Variants in TRAF3IP1 observed in about 807,000 individuals in gnomAD.
TRAF3IP1 encodes the protein intraflagellar transport 54.
In TRAF3IP1, 53 loss-of-function variants were observed where a neutral mutation model predicts 89.9. The observed-to-expected ratio is 0.59, with a 90% CI of 0.47 to 0.74. The LOEUF is 0.74. Among genes scored for constraint, TRAF3IP1 ranks in the 30% least tolerant of loss-of-function variants. The probability of loss-of-function intolerance (pLI) is 0.00; values close to 1 mark genes in which losing one functional copy is unlikely to be tolerated. For missense variants in TRAF3IP1, 806 were observed against 866.1 expected, an observed-to-expected ratio of 0.93 and a Z score of 0.87; for synonymous variants, 311 against 322.1, an observed-to-expected ratio of 0.97 and a Z score of 0.37.
intron 15 of TRAF3IP1, among the ~76,000 whole-genome samples, chr2:238,381,969 C>G (rs1700570214): frequency 6.6e-6 from 1 of 152,106 alleles, no homozygotes; most frequent in Non-Finnish European, 1.5e-5. Context: ...GGGACTGTTA[C>G]AGAAGCACAC....
intron 1 of TRAF3IP1, 37 bp from the exon 2 acceptor site, chr2:238,325,269 G>C (rs754173635): frequency 1.9e-6 from 3 of 1,607,770 alleles, no homozygotes; most frequent in East Asian, 2.2e-5. Context: ...GAGGCTGTCT[G>C]TGAGGTGACA....
At chr2:238,388,555 A>G (rs1394758512) in intron 15 of TRAF3IP1, among the ~76,000 whole-genome samples, 7 of 149,138 alleles carry the variant, frequency 4.7e-5, no homozygotes, top group African/African-American at 7.4e-5. Flanking sequence ...TCTTTTGTAA[A>G]TTGAATGCAG....
chr2:238,391,663 A>G (rs1701000043), intron 15 of TRAF3IP1, among the ~76,000 whole-genome samples: 1 of 152,196 alleles, frequency 6.6e-6, no homozygotes, highest in Non-Finnish European at 1.5e-5. Flanking sequence ...TTAGTGTTCC[A>G]AATTCTGCTT....
rs547284120 is a variant in TRAF3IP1 at position 238,379,313 on chromosome 2, C to G, written c.1690-18146C>G. 6.6e-6 allele frequency among the ~76,000 whole-genome samples: 1 copy of G among 152,336 alleles called. No individual in the cohort carries two copies. Among genetic ancestry groups the G allele is most frequent in the East Asian group, 1.9e-4 (1 of 5,186 alleles). ...CTCACCATCTCTGACCCGGGCTCTG[C>G]TATCCTCACAGCATTGGTCACTGAC... On this transcript the variant is annotated intron_variant, in intron 15 of 16. Transcript: ENST00000373327. This position sits in a 1 kb window ranked among gnomAD's most constrained non-coding sequence, Gnocchi z 4.0.
chr2:238,354,657 GTAT>G (rs1699326523), intron 14 of TRAF3IP1, among the ~76,000 whole-genome samples: 1 of 151,918 alleles, frequency 6.6e-6, no homozygotes, highest in South Asian at 2.1e-4. Context: ...TTTTATTTAT[GTAT>G]TTATTTTTGA....
intron 15 of TRAF3IP1, among the ~76,000 whole-genome samples, chr2:238,387,908 G>C (rs1334308242): frequency 6.6e-6 from 1 of 152,048 alleles, no homozygotes; most frequent in Admixed American, 6.6e-5. Flanking sequence ...GCAAGACCTT[G>C]TTTCTGCAAA....
chr2:238,355,061 G>A (rs1364697478), intron 14 of TRAF3IP1, among the ~76,000 whole-genome samples: 1 of 152,208 alleles, frequency 6.6e-6, no homozygotes, highest in East Asian at 1.9e-4. Flanking sequence ...CTCTAGTGGC[G>A]CATGCTTGCC....
intron 7 of TRAF3IP1, among the ~76,000 whole-genome samples, chr2:238,336,166 CTCT>C (rs1353288496): frequency 1.3e-5 from 2 of 152,126 alleles, no homozygotes; most frequent in Non-Finnish European, 2.9e-5. Flanking sequence ...GTATCATCTG[CTCT>C]TCTTTTCTAA....
At chr2:238,361,425 T>C (rs1162413157) in intron 15 of TRAF3IP1, among the ~76,000 whole-genome samples, 2 of 152,194 alleles carry the variant, frequency 1.3e-5, no homozygotes, top group South Asian at 2.1e-4. Flanking sequence ...AAGGTGCAGT[T>C]ATACTTTATT....
At chr2:238,335,576 T>G (rs1368821356) in intron 7 of TRAF3IP1, among the ~76,000 whole-genome samples, 1 of 152,148 alleles carries the variant, frequency 6.6e-6, no homozygotes, top group African/African-American at 2.4e-5. Flanking sequence ...AGAATTCCAC[T>G]CTTGCAAAAT....
intron 16 of TRAF3IP1, among the ~76,000 whole-genome samples, 199 bp from the exon 17 acceptor site, chr2:238,398,555 A>G (rs1262486634): frequency 1.3e-5 from 2 of 152,064 alleles, no homozygotes; most frequent in Non-Finnish European, 2.9e-5. Flanking sequence ...TTGAAGAAAT[A>G]TTAACTGCTG....
At chr2:238,383,411 C>T (rs973082833) in intron 15 of TRAF3IP1, among the ~76,000 whole-genome samples, 6 of 152,196 alleles carry the variant, frequency 3.9e-5, no homozygotes, top group Non-Finnish European at 7.3e-5. Context: ...TGGAAACTAC[C>T]TATTAATGAA....
rs1433042198 is a variant in TRAF3IP1 at position 238,398,822 on chromosome 2, A to G, written c.1979A>G (p.Gln660Arg). Residue 660 changes from glutamine (Q) to arginine (R), a missense_variant, in exon 17 of 17, where the codon CAG becomes CGG. Physicochemically the swap from Gln to Arg is conservative, Grantham distance 43 (BLOSUM62 1). Transcript: ENST00000373327. ...GAGCTGGAGCAGCTGATCAAAGACC[A>G]GCAAGACAAGATCTGTGCTGTGAAG... ...LAELEQLIKD[Q>R]QDKICAVKAN... The G allele has an allele frequency of 6.2e-7, 1 of 1,613,626 alleles. No homozygotes were observed. The highest frequency in any genetic ancestry group is 8.5e-7 in the Non-Finnish European group (1 of 1,179,768).
chr2:238,374,919 A>G (rs1473686460), intron 15 of TRAF3IP1, among the ~76,000 whole-genome samples: 2 of 152,004 alleles, frequency 1.3e-5, no homozygotes, highest in African/African-American at 4.8e-5. Context: ...ATTTGTGTAG[A>G]GGTGTTTATA....
chr2:238,350,340 G>A (rs774804109), intron 12 of TRAF3IP1, among the ~76,000 whole-genome samples: 2 of 152,180 alleles, frequency 1.3e-5, no homozygotes, highest in Non-Finnish European at 2.9e-5. Flanking sequence ...TGGTGGAGCA[G>A]AGTCCCCGTG....
At chr2:238,362,525 C>G (rs1559378524) in intron 15 of TRAF3IP1, among the ~76,000 whole-genome samples, 3 of 152,146 alleles carry the variant, frequency 2.0e-5, no homozygotes, top group Admixed American at 6.5e-5. Flanking sequence ...GCCTCACAGG[C>G]CAGCATAGCT....
intron 15 of TRAF3IP1, among the ~76,000 whole-genome samples, chr2:238,374,359 G>A (rs1238712924): frequency 3.3e-5 from 5 of 152,262 alleles, no homozygotes; most frequent in South Asian, 2.1e-4. Flanking sequence ...GAGTTTGGTC[G>A]AAGGCCTTTT....
Position 238,322,687 on chromosome 2 carries a change from C to CAAA in TRAF3IP1, c.123+1927_123+1929dup, listed in dbSNP as rs71043130. Among the ~76,000 whole-genome samples, 385 of 43,504 alleles carry CAAA rather than the reference C, an allele frequency of 8.8e-3. 44 individuals are homozygous for CAAA. The highest frequency in any genetic ancestry group is 0.011 in the Admixed American group (30 of 2,618). The allele number at this position is 43,504 out of a possible 152,430, so 28.5% of individuals were successfully genotyped here. On this transcript the variant is annotated intron_variant, in intron 1 of 16. Coordinates refer to ENST00000373327, the MANE Select transcript of TRAF3IP1 (RefSeq NM_015650.4). Reference sequence around the variant, plus strand: ...TGGGTGACAGAGTAAGACCCTGTCTCAAAAAAAAAAAAAAAAAAAAAAAAA... The same window carrying CAAA: ...TGGGTGACAGAGTAAGACCCTGTCTCAAAAAAAAAAAAAAAAAAAAAAAAAAAA...
intron 8 of TRAF3IP1, among the ~76,000 whole-genome samples, chr2:238,341,018 C>T (rs563169839): frequency 2.8e-4 from 43 of 152,062 alleles, no homozygotes; most frequent in African/African-American, 9.2e-4. Flanking sequence ...CCACGATACC[C>T]GGCTTCTTAT....
Sources: gnomAD v4.1 joint callset for allele counts (sites outside exome capture counted in the v4.1 genomes callset) on GRCh38, gnomAD v4.1.1 for gene constraint, Gnocchi (gnomAD v3.1) non-coding constraint, MANE v1.5 for transcripts, NCBI Gene and HGNC (gene_info 2026-07-23, HGNC 2026-07-21) for gene names.